Variants in ADGRL3 observed in about 807,000 individuals in gnomAD.
The protein encoded by ADGRL3 is calcium-independent alpha-latrotoxin receptor 3.
ADGRL3 carries 62 observed loss-of-function variants against 153.5 expected under a neutral mutation model. The ratio of observed to expected loss-of-function variants is 0.40; its 90% confidence interval spans 0.33 to 0.50. The LOEUF is 0.50. ADGRL3 is among the 20% of genes least tolerant of loss of function. ADGRL3 has a pLI of 0.47. For missense variants in ADGRL3, 1,641 were observed against 1,859.4 expected (o/e 0.88, Z 2.16); for synonymous variants, 710 against 672.5 (o/e 1.06, Z -0.86).
intron 8 of ADGRL3, among the ~76,000 whole-genome samples, chr4:61,803,640 A>G (rs2097524653): frequency 6.6e-6 from 1 of 152,142 alleles, no homozygotes; most frequent in Non-Finnish European, 1.5e-5. Context: ...TCCTACGTTA[A>G]CTTGAAATAA....
intron 2 of ADGRL3, among the ~76,000 whole-genome samples, chr4:61,419,882 C>T (rs1370810075): frequency 6.6e-6 from 1 of 151,886 alleles, no homozygotes; most frequent in Non-Finnish European, 1.5e-5. Flanking sequence ...GCAGCCTCCA[C>T]CTCCGGGTTT....
chr4:61,361,060 A>G (rs977898508), intron 1 of ADGRL3, among the ~76,000 whole-genome samples: 3 of 152,306 alleles, frequency 2.0e-5, no homozygotes, highest in South Asian at 2.1e-4. Flanking sequence ...CTTATGGCTC[A>G]CTCCAAACCC....
chr4:61,646,439 A>G (rs1339344533), intron 5 of ADGRL3, among the ~76,000 whole-genome samples: 2 of 151,622 alleles, frequency 1.3e-5, no homozygotes, highest in Non-Finnish European at 2.9e-5. Context: ...GTCTTTGATG[A>G]TGGTGATGTA....
intron 17 of ADGRL3, among the ~76,000 whole-genome samples, chr4:61,958,377 G>GTTCTTTCTTTCTTTC (rs1553894040): frequency 6.1e-4 from 91 of 148,168 alleles, no homozygotes; most frequent in East Asian, 1.2e-3. Flanking sequence ...TGTTGTAAAG[G>GTTCTTTCTTTCTTTC]TTTCTTTCTT....
At chr4:61,783,476 A>G (rs1457588131) in intron 8 of ADGRL3, among the ~76,000 whole-genome samples, 1 of 152,124 alleles carries the variant, frequency 6.6e-6, no homozygotes, top group Non-Finnish European at 1.5e-5. Context: ...TAGATTGGTG[A>G]TAGGAAATAT....
At chr4:61,428,953 A>G (rs2152398768) in intron 2 of ADGRL3, among the ~76,000 whole-genome samples, 1 of 151,620 alleles carries the variant, frequency 6.6e-6, no homozygotes, top group Admixed American at 6.6e-5. Context: ...GTCATTCCAG[A>G]TAAATATATG....
chr4:61,915,439 G>T (rs534031543), intron 13 of ADGRL3, among the ~76,000 whole-genome samples: 1 of 151,886 alleles, frequency 6.6e-6, no homozygotes, highest in African/African-American at 2.4e-5. Context: ...GATTGTTTTT[G>T]ATTGCAATCT....
chr4:61,851,177 A>C (rs1041603364), intron 9 of ADGRL3, among the ~76,000 whole-genome samples: 10 of 152,166 alleles, frequency 6.6e-5, no homozygotes, highest in African/African-American at 2.4e-4. Flanking sequence ...GATATATCTG[A>C]ATGGCAGAGA....
intron 19 of ADGRL3, among the ~76,000 whole-genome samples, chr4:61,985,990 TG>T (rs2099084240): frequency 6.6e-6 from 1 of 150,614 alleles, no homozygotes; most frequent in South Asian, 2.1e-4. Flanking sequence ...GATATAGGTT[TG>T]TTTTTTTTTT....
At chr4:61,976,284 A>G (rs183463192) in intron 17 of ADGRL3, among the ~76,000 whole-genome samples, 25 of 152,296 alleles carry the variant, frequency 1.6e-4, no homozygotes, top group African/African-American at 5.5e-4. Flanking sequence ...TAGGAGTTTA[A>G]TTCAACTGGT....
At chr4:61,838,492 C>G (rs2097971909) in intron 9 of ADGRL3, among the ~76,000 whole-genome samples, 1 of 152,118 alleles carries the variant, frequency 6.6e-6, no homozygotes, top group African/African-American at 2.4e-5. Flanking sequence ...GATCATTCTT[C>G]TATTTGTTAG....
At chr4:61,757,693 G>A (rs904582090) in intron 8 of ADGRL3, among the ~76,000 whole-genome samples, 2 of 152,056 alleles carry the variant, frequency 1.3e-5, no homozygotes, top group African/African-American at 2.4e-5. Context: ...TGCTTCTCTA[G>A]TTCTTTTAAT....
At chr4:61,554,140 G>C (rs1269561728) in intron 4 of ADGRL3, among the ~76,000 whole-genome samples, 3 of 141,996 alleles carry the variant, frequency 2.1e-5, no homozygotes. Context: ...GATCCTATTT[G>C]CTTATAAAAA....
In ADGRL3 at chr4:62,067,466, C is replaced by A. The variant is rs530083043; in HGVS notation, c.3815-700C>A. Among the ~76,000 whole-genome samples, 26 of 152,012 alleles carry A rather than the reference C, an allele frequency of 1.7e-4. No homozygotes were observed. The South Asian group carries it at 4.8e-3, about 28-fold the overall frequency. On this transcript the variant is annotated intron_variant, in intron 25 of 26. Coordinates refer to ENST00000683033, the MANE Select transcript of ADGRL3 (RefSeq NM_001387552.1). ...CTAATATTGTTGGTTGCGTTTTTCC[C>A]CTCTCACATTTTCTGTATTCAGAAT...
intron 8 of ADGRL3, chr4:61,775,853 C>A (rs1160438535): frequency 3.8e-5 from 19 of 499,226 alleles, no homozygotes; most frequent in Admixed American, 5.5e-5. Context: ...TCGGCCATGG[C>A]GGTGGGTTAC....
chr4:61,924,235 C>G (rs1333359080), intron 13 of ADGRL3, among the ~76,000 whole-genome samples: 2 of 152,152 alleles, frequency 1.3e-5, no homozygotes, highest in African/African-American at 4.8e-5. Context: ...GGACAACTCA[C>G]TTGATTTTTC....
chr4:61,519,261 C>G (rs1038707388), intron 4 of ADGRL3, among the ~76,000 whole-genome samples: 1 of 152,088 alleles, frequency 6.6e-6, no homozygotes, highest in Non-Finnish European at 1.5e-5. Context: ...TTCTATATCA[C>G]TAGATTTTAG....
intron 4 of ADGRL3, among the ~76,000 whole-genome samples, chr4:61,545,520 C>T (rs1330014525): frequency 6.6e-6 from 1 of 152,154 alleles, no homozygotes; most frequent in East Asian, 1.9e-4. Flanking sequence ...CAGCTTTTCT[C>T]CCTGTCTCTC....
At chr4:62,007,356 T>TTATG (rs2099162931) in intron 21 of ADGRL3, among the ~76,000 whole-genome samples, 1 of 30,914 alleles carries the variant, frequency 3.2e-5, no homozygotes, top group Non-Finnish European at 6.3e-5. Context: ...GACAAAATGA[T>TTATG]TATATATATA....
Sources: allele counts gnomAD v4.1 joint callset (sites outside exome capture counted in the v4.1 genomes callset), GRCh38; gene constraint gnomAD v4.1.1; transcripts MANE v1.5; gene names NCBI Gene and HGNC (gene_info 2026-07-23, HGNC 2026-07-21).